Variants in NALF1 observed in about 807,000 individuals in gnomAD.
The protein encoded by NALF1 is family with sequence similarity 155 member A.
NALF1 carries 3 observed loss-of-function variants against 48.4 expected under a neutral mutation model. The observed-to-expected ratio is 0.06, with a 90% CI of 0.03 to 0.16. The LOEUF is 0.16. Ranked by LOEUF, NALF1 falls within the 10% of genes least tolerant of loss-of-function variation. The pLI is 1.00. For synonymous variants in NALF1, 262 were observed against 245.7 expected (o/e 1.07, Z -0.62); for missense variants, 526 against 571.5 (o/e 0.92, Z 0.81).
rs1395857699 is a variant in NALF1 at position 107,224,013 on chromosome 13, AATTG to A, written c.916-13262_916-13259del. On this transcript the variant is annotated intron_variant, in intron 1 of 2. Coordinates refer to ENST00000375915, the MANE Select transcript of NALF1 (RefSeq NM_001080396.3). The stretch of plus-strand genomic sequence containing the variant: ...ATGAATAATCATAACATTATTGTTT[AATTG>A]ATTAATTAATTAATTATTGATTATC... 3.9e-5 allele frequency among the ~76,000 whole-genome samples: 6 copies of A among 152,134 alleles called. No homozygotes were observed. In the South Asian group the frequency reaches 6.2e-4, roughly 16 times the overall value.
At chr13:107,208,369 G>A (rs933902467) in intron 2 of NALF1, among the ~76,000 whole-genome samples, 10 of 152,086 alleles carry the variant, frequency 6.6e-5, no homozygotes, top group African/African-American at 1.4e-4. Flanking sequence ...TACCAAACTC[G>A]AAAACAATTA....
chr13:107,851,261 T>C (rs1365302307), intron 1 of NALF1, among the ~76,000 whole-genome samples: 2 of 152,158 alleles, frequency 1.3e-5, no homozygotes, highest in African/African-American at 4.8e-5. Flanking sequence ...TAGTGACATA[T>C]TTTGCTAACA....
intron 1 of NALF1, among the ~76,000 whole-genome samples, chr13:107,304,229 T>G (rs1881894195): frequency 6.6e-6 from 1 of 152,170 alleles, no homozygotes; most frequent in African/African-American, 2.4e-5. Context: ...CAACTGGTTG[T>G]TTGGTATTGA....
rs1431009057 is a variant in NALF1 at position 107,516,710 on chromosome 13, A to C, written c.916-305955T>G. On this transcript the variant is annotated intron_variant, in intron 1 of 2. Transcript: ENST00000375915. ...ATGCAGGGACTCTGAGTGCAATCAC[A>C]TTCCAGCTTTCCAAATTGAGCACTA... Among the ~76,000 whole-genome samples the C allele has an allele frequency of 3.9e-5, 6 of 152,206 alleles. 1 individual carries two copies. Among genetic ancestry groups the C allele is most frequent in the Admixed American group, 3.9e-4 (6 of 15,276 alleles).
chr13:107,445,971 G>A (rs540410187), intron 1 of NALF1, among the ~76,000 whole-genome samples: 3 of 151,746 alleles, frequency 2.0e-5, no homozygotes, highest in Admixed American at 6.6e-5. Flanking sequence ...ATGGAATCTC[G>A]CTTTGTCGTC....
chr13:107,767,567 C>A (rs1246339890), intron 1 of NALF1, among the ~76,000 whole-genome samples: 1 of 152,180 alleles, frequency 6.6e-6, no homozygotes, highest in Non-Finnish European at 1.5e-5. Context: ...AATCTTAGAA[C>A]TGCAAGTGTA....
At chr13:107,372,742 C>A (rs9301218) in intron 1 of NALF1, among the ~76,000 whole-genome samples, 82,666 of 151,952 alleles carry the variant, frequency 0.54, 23,059 homozygotes, top group East Asian at 0.74. Context: ...ACCTACCAAT[C>A]TGTTATCAAA....
chr13:107,769,876 CTCAAACT>C (rs1025089426), intron 1 of NALF1, among the ~76,000 whole-genome samples: 2 of 152,008 alleles, frequency 1.3e-5, no homozygotes, highest in African/African-American at 4.8e-5. Flanking sequence ...CTCCAAATAT[CTCAAACT>C]TCAAAATTCA....
At chr13:107,689,315 T>A (rs1196593678) in intron 1 of NALF1, among the ~76,000 whole-genome samples, 1 of 152,218 alleles carries the variant, frequency 6.6e-6, no homozygotes, top group Non-Finnish European at 1.5e-5. Flanking sequence ...TGTACTCAGA[T>A]GCTACTGACT....
intron 1 of NALF1, among the ~76,000 whole-genome samples, chr13:107,816,327 G>GA (rs1879161706): frequency 6.6e-6 from 1 of 152,198 alleles, no homozygotes; most frequent in Admixed American, 6.5e-5. Flanking sequence ...AGGCTGCGAA[G>GA]AAAAATAGGT....
chr13:107,357,114 A>G (rs1414577103), intron 1 of NALF1, among the ~76,000 whole-genome samples: 1 of 152,172 alleles, frequency 6.6e-6, no homozygotes, highest in East Asian at 1.9e-4. Context: ...CCATTTTTAC[A>G]CTGCTATAAA....
chr13:107,285,056 T>G (rs1349100076), intron 1 of NALF1, among the ~76,000 whole-genome samples: 1 of 152,212 alleles, frequency 6.6e-6, no homozygotes, highest in African/African-American at 2.4e-5. Flanking sequence ...ATTTGAAGAT[T>G]GAAGCATAGA....
At position 107,293,269 on chromosome 13, in the gene NALF1, C is replaced by G. The variant is rs189060495; in HGVS notation, c.916-82514G>C. The stretch of plus-strand genomic sequence containing the variant: ...TGCTAGGATTACAGGTGTGAGCCAC[C>G]GCGCTCAGCCAACTCTGTTATAGTT... On this transcript the variant is annotated intron_variant, in intron 1 of 2. Transcript: ENST00000375915. Among the ~76,000 whole-genome samples the G allele has an allele frequency of 3.1e-4, 47 of 152,144 alleles. 1 individual carries two copies. The South Asian group carries it at 9.8e-3, about 32-fold the overall frequency.
At chr13:107,590,969 A>T (rs1014264817) in intron 1 of NALF1, among the ~76,000 whole-genome samples, 1 of 152,034 alleles carries the variant, frequency 6.6e-6, no homozygotes, top group African/African-American at 2.4e-5. Context: ...GATTGTTTGT[A>T]AGCATTCTAT....
intron 1 of NALF1, among the ~76,000 whole-genome samples, chr13:107,826,485 T>C (rs924494617): frequency 6.6e-6 from 1 of 152,220 alleles, no homozygotes; most frequent in African/African-American, 2.4e-5. Flanking sequence ...GCATCATGTA[T>C]AACAGTCCAG....
chr13:107,188,917 G>GA (rs1879230149), intron 2 of NALF1, among the ~76,000 whole-genome samples: 1 of 152,138 alleles, frequency 6.6e-6, no homozygotes, highest in African/African-American at 2.4e-5. Context: ...CAAATAACAG[G>GA]AAGGGAAGTG....
intron 1 of NALF1, among the ~76,000 whole-genome samples, chr13:107,277,049 AG>A (rs1462620771): frequency 1.3e-5 from 2 of 152,168 alleles, no homozygotes; most frequent in Non-Finnish European, 2.9e-5. Context: ...TTCACATTCT[AG>A]TTTTTCCCTG....
chr13:107,347,100 T>C (rs1449417047), intron 1 of NALF1, among the ~76,000 whole-genome samples: 1 of 152,240 alleles, frequency 6.6e-6, no homozygotes, highest in Non-Finnish European at 1.5e-5. Context: ...AGTTATAACA[T>C]AAAAGTGTTC....
At chr13:107,531,391 T>A (rs1876634473) in intron 1 of NALF1, 1 of 153,562 alleles carries the variant, frequency 6.5e-6, no homozygotes, top group Non-Finnish European at 1.5e-5. Context: ...ACAAAGACTG[T>A]TCCTTCTTCA....
Sources: allele counts gnomAD v4.1 joint callset (sites outside exome capture counted in the v4.1 genomes callset), GRCh38; gene constraint gnomAD v4.1.1; transcripts MANE v1.5; gene names NCBI Gene and HGNC (gene_info 2026-07-23, HGNC 2026-07-21).